TSHR: variants seen among roughly 807,000 people sequenced by gnomAD.
TSHR encodes the protein thyroid stimulating hormone receptor, also known as thyrotropin receptor.
A neutral mutation model predicts 64.1 loss-of-function variants in TSHR; 51 were observed. The observed-to-expected ratio is 0.80, with a 90% CI of 0.64 to 1.01. TSHR has a LOEUF of 1.01. TSHR is among the 50% of genes least tolerant of loss of function. The pLI, the probability that TSHR is intolerant of heterozygous loss-of-function variation, is 0.00. For synonymous variants in TSHR, 361 were observed against 361.9 expected, an observed-to-expected ratio of 1.00 and a Z score of 0.03; for missense variants, 877 against 942.8, an observed-to-expected ratio of 0.93 and a Z score of 0.91.
At chr14:81,023,056 C>T (rs951539062) in intron 1 of TSHR, among the ~76,000 whole-genome samples, 2 of 149,686 alleles carry the variant, frequency 1.3e-5, no homozygotes, top group Non-Finnish European at 3.0e-5. Flanking sequence ...TCTTGGGCTT[C>T]CCAGTTTCTA....
At chr14:81,116,117 A>G (rs1174954619) in intron 8 of TSHR, among the ~76,000 whole-genome samples, 1 of 152,116 alleles carries the variant, frequency 6.6e-6, no homozygotes, top group Non-Finnish European at 1.5e-5. Flanking sequence ...AAGAAACTGC[A>G]TCAACTGACG....
chr14:81,084,646 C>A (rs1281739302), intron 3 of TSHR, among the ~76,000 whole-genome samples: 1 of 152,192 alleles, frequency 6.6e-6, no homozygotes, highest in African/African-American at 2.4e-5. Context: ...TTGCTGGAGG[C>A]ACAGCCATCT....
At chr14:80,957,480 C>T (rs1886759399) in intron 1 of TSHR, among the ~76,000 whole-genome samples, 2 of 149,084 alleles carry the variant, frequency 1.3e-5, no homozygotes, top group Admixed American at 1.3e-4. Flanking sequence ...AAAAAAAAAA[C>T]TTAAGTGAAT....
At chr14:81,012,702 C>A (rs1393033371) in intron 1 of TSHR, 2 of 152,088 alleles carry the variant, frequency 1.3e-5, no homozygotes, top group Non-Finnish European at 2.9e-5. Flanking sequence ...TGATGGTGAG[C>A]ATTTTTTCAT....
intron 1 of TSHR, chr14:80,981,924 T>G: frequency 4.2e-6 from 1 of 236,028 alleles, no homozygotes; most frequent in Non-Finnish European, 9.2e-6. Context: ...TATTAAGACA[T>G]CAGCCTAGGA....
chr14:81,034,925 C>A (rs887867624), intron 1 of TSHR, among the ~76,000 whole-genome samples: 4 of 152,166 alleles, frequency 2.6e-5, no homozygotes, highest in Non-Finnish European at 2.9e-5. Context: ...AGATCTGAAT[C>A]TACAGTTTAA....
intron 7 of TSHR, among the ~76,000 whole-genome samples, chr14:81,107,443 T>C (rs1217927798): frequency 1.3e-5 from 2 of 152,212 alleles, no homozygotes; most frequent in Non-Finnish European, 2.9e-5. Context: ...ATATATGTGC[T>C]ATGCTTCTTT....
intron 1 of TSHR, among the ~76,000 whole-genome samples, chr14:81,026,930 G>A (rs1263291477): frequency 6.6e-6 from 1 of 151,852 alleles, no homozygotes; most frequent in Non-Finnish European, 1.5e-5. Context: ...CAGCTATTTG[G>A]GAGGCTGAGG....
At chr14:81,129,125 C>A (rs899642497) in intron 8 of TSHR, among the ~76,000 whole-genome samples, 18 of 152,180 alleles carry the variant, frequency 1.2e-4, no homozygotes, top group African/African-American at 4.1e-4. Context: ...AATAAGCCTG[C>A]CCTTCATTGT....
intron 1 of TSHR, among the ~76,000 whole-genome samples, chr14:80,960,903 C>T (rs571336435): frequency 1.2e-4 from 18 of 152,238 alleles, no homozygotes; most frequent in Non-Finnish European, 2.5e-4. Flanking sequence ...TGGACATCTG[C>T]GGTCTTGTAG....
chr14:81,016,097 T>C (rs1890170020), intron 1 of TSHR, among the ~76,000 whole-genome samples: 1 of 152,198 alleles, frequency 6.6e-6, no homozygotes, highest in Non-Finnish European at 1.5e-5. Context: ...GGAATGCAGA[T>C]ATCTCTTTGA....
chr14:80,959,827 C>A (rs1248519507), intron 1 of TSHR, among the ~76,000 whole-genome samples: 3 of 152,218 alleles, frequency 2.0e-5, no homozygotes, highest in Non-Finnish European at 1.5e-5. Context: ...CATTCATCAT[C>A]TTTGGCATTT....
rs1361243706 is a variant in TSHR, at chr14:81,072,992, G to A, written c.317+4664G>A. 2.0e-4 allele frequency among the ~76,000 whole-genome samples: 5 copies of A among 25,304 alleles called. No homozygotes were observed. In the African/African-American group the frequency reaches 2.3e-3, roughly 12 times the overall value. The allele number at this position is 25,304 out of a possible 152,430, so 16.6% of individuals were successfully genotyped here. On this transcript the variant is annotated intron_variant, in intron 3 of 9. Coordinates refer to ENST00000298171, the MANE Select transcript of TSHR (RefSeq NM_000369.5). ...AGCCTGGGCGACAGAGCGAGACTCC[G>A]TCTCAAAAAAAAAAAAAAATAAAAA...
In TSHR at chr14:81,146,134, C is replaced by T. The variant is rs1055005037; in HGVS notation, c.*1781C>T. 1.8e-5 allele frequency: 4 copies of T among 228,176 alleles called. No individual in the cohort carries two copies. In the Admixed American group the frequency reaches 2.3e-4, roughly 13 times the overall value. 14.1% of individuals were successfully genotyped at this position (228,176 alleles called of 1,614,324 possible). A position where few individuals can be genotyped will look rare whatever the true frequency, so the allele number is the denominator to read the frequency against. On this transcript the variant is annotated 3_prime_UTR_variant, in exon 10 of 10. Transcript: ENST00000298171. ...GTGTTGCCTTTTGTCATGTGTTTCT[C>T]TCCTGTGACATTTCAAAATATCACA...
At chr14:81,059,383 T>C (rs1183346213) in intron 1 of TSHR, among the ~76,000 whole-genome samples, 1 of 152,186 alleles carries the variant, frequency 6.6e-6, no homozygotes, top group South Asian at 2.1e-4. Context: ...AGGCAATTTA[T>C]ACCAAAAGTC....
Position 81,067,927 on chromosome 14 carries a change from CTATA to C in TSHR, c.243-303_243-300del, listed in dbSNP as rs10528934. Among the ~76,000 whole-genome samples the C allele has an allele frequency of 7.8e-4, 75 of 95,784 alleles. 6 individuals carry two copies. The highest frequency in any genetic ancestry group is 5.3e-3 in the Middle Eastern group (1 of 190). 62.8% of individuals were successfully genotyped at this position (95,784 alleles called of 152,430 possible). ...TAGTGGAACATTCCACAGGGTGACA[CTATA>C]TATATATATATATATATATATATCG... On this transcript the variant is annotated intron_variant, in intron 2 of 9. Transcript: ENST00000298171.
At position 81,095,807 on chromosome 14, in the gene TSHR, G is replaced by A. The variant is rs372173069; in HGVS notation, c.546-832G>A. 3.2e-4 allele frequency among the ~76,000 whole-genome samples: 48 copies of A among 151,938 alleles called. No homozygotes were observed. The South Asian group carries it at 9.1e-3, about 29-fold the overall frequency. On this transcript the variant is annotated intron_variant, in intron 6 of 9. Transcript: ENST00000298171. The stretch of plus-strand genomic sequence containing the variant: ...TCACACCTGTAATCCCCAGTGTTTC[G>A]GGAGGCTGAGGCAGGCGGATCACTT...
chr14:81,038,737 A>G (rs1417315092), intron 1 of TSHR, among the ~76,000 whole-genome samples: 1 of 148,194 alleles, frequency 6.7e-6, no homozygotes, highest in Non-Finnish European at 1.5e-5. Flanking sequence ...TATAATAAAA[A>G]ATAAATATAT....
At chr14:81,007,492 T>C (rs1388730773) in intron 1 of TSHR, among the ~76,000 whole-genome samples, 4 of 152,338 alleles carry the variant, frequency 2.6e-5, no homozygotes, top group South Asian at 2.1e-4. Context: ...ACTGGGGTTA[T>C]GAGTTTTAGA....
Sources: allele counts gnomAD v4.1 joint callset (sites outside exome capture counted in the v4.1 genomes callset), GRCh38; gene constraint gnomAD v4.1.1; transcripts MANE v1.5; gene names NCBI Gene and HGNC (gene_info 2026-07-23, HGNC 2026-07-21).